Variants in DPP10 observed in about 807,000 individuals in gnomAD.
DPP10 encodes the protein inactive dipeptidyl peptidase 10.
A neutral mutation model predicts 120.9 loss-of-function variants in DPP10; 33 were observed. That is an observed-to-expected ratio of 0.27 (90% CI 0.21 to 0.37). The LOEUF (loss-of-function observed/expected upper bound fraction) is 0.37. Among genes scored for constraint, DPP10 ranks in the 10% least tolerant of loss-of-function variants. The probability of loss-of-function intolerance (pLI) is 1.00; values close to 1 mark genes in which losing one functional copy is unlikely to be tolerated. For synonymous variants in DPP10, 337 were observed against 326.1 expected, an observed-to-expected ratio of 1.03 and a Z score of -0.36; for missense variants, 816 against 942.8, an observed-to-expected ratio of 0.87 and a Z score of 1.76.
At chr2:115,009,640 A>G (rs1268269335) in intron 1 of DPP10, among the ~76,000 whole-genome samples, 3 of 151,830 alleles carry the variant, frequency 2.0e-5, no homozygotes, top group African/African-American at 4.8e-5. Context: ...CCCTTGGGCT[A>G]GGGGAGGGAT....
At chr2:115,745,991 C>T (rs1677918924) in intron 9 of DPP10, 95 bp from the exon 10 acceptor site, 3 of 905,352 alleles carry the variant, frequency 3.3e-6, no homozygotes, top group Non-Finnish European at 4.9e-6. Flanking sequence ...TCTTTTCTAA[C>T]ACAAAACAGT....
chr2:115,824,535 T>C (rs1214211108), intron 21 of DPP10, among the ~76,000 whole-genome samples: 5 of 152,114 alleles, frequency 3.3e-5, no homozygotes, highest in Non-Finnish European at 1.5e-5. Flanking sequence ...TGTGTTCTCA[T>C]TGTTCAGCTC....
chr2:115,156,083 G>A (rs1046169427), intron 1 of DPP10, among the ~76,000 whole-genome samples: 1 of 152,098 alleles, frequency 6.6e-6, no homozygotes, highest in South Asian at 2.1e-4. Flanking sequence ...ATATAACAAG[G>A]GATATACACT....
chr2:114,896,392 G>A (rs888946881), intron 1 of DPP10, among the ~76,000 whole-genome samples: 5 of 151,760 alleles, frequency 3.3e-5, no homozygotes, highest in Admixed American at 6.6e-5. Context: ...CATTTTTTTC[G>A]TATCCTCTTT....
At chr2:114,747,304 T>C (rs1678667483) in intron 1 of DPP10, among the ~76,000 whole-genome samples, 1 of 152,214 alleles carries the variant, frequency 6.6e-6, no homozygotes, top group Admixed American at 6.5e-5. Context: ...TGGTCTGTCT[T>C]CCTTTTTATC....
intron 1 of DPP10, among the ~76,000 whole-genome samples, chr2:114,802,041 A>G (rs1344215625): frequency 6.6e-6 from 1 of 152,228 alleles, no homozygotes; most frequent in Non-Finnish European, 1.5e-5. Context: ...GGCATTAGAC[A>G]TAGAAGAGTT....
intron 1 of DPP10, among the ~76,000 whole-genome samples, chr2:114,796,590 G>A (rs566779318): frequency 4.6e-5 from 7 of 152,192 alleles, no homozygotes; most frequent in African/African-American, 1.4e-4. Flanking sequence ...GTTGTACTCA[G>A]ATTTTTGACT....
rs1044849251 is a variant in DPP10 at position 115,548,107 on chromosome 2, T to G, written c.441+22135T>G. On this transcript the variant is annotated intron_variant, in intron 5 of 25. Coordinates refer to ENST00000410059, the MANE Select transcript of DPP10 (RefSeq NM_020868.6). ...GGCAAGCTCAAAAGAATCTAGAATT[T>G]AGAAAGCCGTATAGAAAATGTGGAA... Among the ~76,000 whole-genome samples, 192 of 152,286 alleles carry G rather than the reference T, an allele frequency of 1.3e-3. 1 individual carries two copies. The highest frequency in any genetic ancestry group is 4.5e-3 in the African/African-American group (189 of 41,566).
intron 8 of DPP10, among the ~76,000 whole-genome samples, chr2:115,730,359 T>C (rs1318628882): frequency 6.6e-6 from 1 of 152,150 alleles, no homozygotes; most frequent in Admixed American, 6.5e-5. Flanking sequence ...CTGGTTTGGG[T>C]CACTAGTAAG....
chr2:115,183,480 C>G (rs553387734), intron 1 of DPP10, among the ~76,000 whole-genome samples: 7 of 152,226 alleles, frequency 4.6e-5, no homozygotes, highest in Admixed American at 1.3e-4. Context: ...CTACACATTT[C>G]TTGAGGGCAG....
chr2:115,308,259 G>A (rs1441178594), intron 1 of DPP10, among the ~76,000 whole-genome samples: 4 of 151,948 alleles, frequency 2.6e-5, no homozygotes, highest in Non-Finnish European at 4.4e-5. Flanking sequence ...TACGGCTTCT[G>A]GTGTGATTTG....
intron 5 of DPP10, among the ~76,000 whole-genome samples, chr2:115,543,625 C>T (rs556695141): frequency 6.6e-6 from 1 of 151,454 alleles, no homozygotes; most frequent in Non-Finnish European, 1.5e-5. Flanking sequence ...TAAAGGCAGA[C>T]ACATGCTGGG....
chr2:115,460,600 T>C (rs897261008), intron 3 of DPP10, among the ~76,000 whole-genome samples: 1 of 152,218 alleles, frequency 6.6e-6, no homozygotes, highest in Non-Finnish European at 1.5e-5. Flanking sequence ...GTAGATTTTC[T>C]TAGAAAATTT....
intron 1 of DPP10, chr2:115,161,320 TGGAG>T (rs2052316970): frequency 6.6e-6 from 1 of 152,242 alleles, no homozygotes; most frequent in African/African-American, 2.4e-5. Context: ...TCTGGGGCGC[TGGAG>T]CGCGCGCAGT....
intron 3 of DPP10, among the ~76,000 whole-genome samples, chr2:115,491,783 A>T (rs1413189769): frequency 6.6e-6 from 1 of 152,112 alleles, no homozygotes; most frequent in Admixed American, 6.6e-5. Context: ...CTTTAGAATG[A>T]GGGGCATGTC....
At chr2:114,507,206 C>T (rs758845132) in intron 1 of DPP10, among the ~76,000 whole-genome samples, 3 of 151,906 alleles carry the variant, frequency 2.0e-5, no homozygotes, top group Non-Finnish European at 4.4e-5. Context: ...CACTACAACA[C>T]CCCAGGTAAT....
chr2:114,490,797 G>A (rs1681928419), intron 1 of DPP10, among the ~76,000 whole-genome samples: 1 of 151,230 alleles, frequency 6.6e-6, no homozygotes, highest in South Asian at 2.1e-4. Context: ...GGGGCGGGGG[G>A]TAATGTGAAC....
intron 7 of DPP10, among the ~76,000 whole-genome samples, chr2:115,709,731 T>G (rs2149565126): frequency 6.6e-6 from 1 of 150,876 alleles, no homozygotes; most frequent in Non-Finnish European, 1.5e-5. Context: ...ATTAAGAAAT[T>G]TACAAAAGAG....
chr2:115,670,508 T>G (rs2149439388), intron 5 of DPP10, among the ~76,000 whole-genome samples: 1 of 152,242 alleles, frequency 6.6e-6, no homozygotes, highest in Non-Finnish European at 1.5e-5. Flanking sequence ...AGTCTAAGAG[T>G]AAAAAGCATT....
Sources: gnomAD v4.1 joint callset for allele counts (sites outside exome capture counted in the v4.1 genomes callset) on GRCh38, gnomAD v4.1.1 for gene constraint, MANE v1.5 for transcripts, NCBI Gene and HGNC (gene_info 2026-07-23, HGNC 2026-07-21) for gene names.